Variants in NPAS3 observed in about 807,000 individuals in gnomAD.
NPAS3 encodes the protein neuronal PAS domain protein 3.
In NPAS3, 14 loss-of-function variants were observed where a neutral mutation model predicts 73.1. The ratio of observed to expected loss-of-function variants is 0.19; its 90% CI spans 0.13 to 0.30. NPAS3 has a LOEUF of 0.30. NPAS3 is among the 10% of genes least tolerant of loss of function. The pLI, the probability that NPAS3 is intolerant of heterozygous loss-of-function variation, is 1.00. For missense variants in NPAS3, 1,096 were observed against 1,250.0 expected (o/e 0.88, Z 1.86); for synonymous variants, 620 against 541.5 (o/e 1.14, Z -2.01).
chr14:33,523,378 C>T (rs984945686), intron 4 of NPAS3, among the ~76,000 whole-genome samples: 2 of 151,354 alleles, frequency 1.3e-5, no homozygotes. Flanking sequence ...AAGACACTGG[C>T]CCAGGCAAGG....
At chr14:33,630,929 G>A (rs7153773) in intron 5 of NPAS3, among the ~76,000 whole-genome samples, 32,171 of 152,140 alleles carry the variant, frequency 0.21, 5,384 homozygotes, top group African/African-American at 0.47. Context: ...GTAGAAAGAA[G>A]ATAAGCGAAG....
At chr14:33,650,741 C>CCT (rs10658218) in intron 5 of NPAS3, among the ~76,000 whole-genome samples, 37,925 of 148,298 alleles carry the variant, frequency 0.26, 5,777 homozygotes, top group African/African-American at 0.43. Flanking sequence ...AAAATCTTTT[C>CCT]CTCTCTCTCT....
intron 3 of NPAS3, among the ~76,000 whole-genome samples, chr14:33,272,493 T>G (rs1272166990): frequency 1.3e-5 from 2 of 152,184 alleles, no homozygotes. Context: ...CTCGGCTCAC[T>G]GCAACCTCTG....
chr14:33,168,544 G>A (rs1350616457), intron 2 of NPAS3, among the ~76,000 whole-genome samples: 2 of 152,126 alleles, frequency 1.3e-5, no homozygotes, highest in African/African-American at 4.8e-5. Flanking sequence ...GGAGCCCCAA[G>A]CCCCTAAAGA....
intron 4 of NPAS3, among the ~76,000 whole-genome samples, chr14:33,431,309 A>G (rs2048774288): frequency 1.3e-5 from 2 of 152,224 alleles, no homozygotes; most frequent in South Asian, 4.1e-4. Flanking sequence ...AGTGTCACTG[A>G]ATACCAGGAG....
intron 6 of NPAS3, among the ~76,000 whole-genome samples, chr14:33,682,344 AAGC>A (rs1445443542): frequency 6.6e-6 from 1 of 152,212 alleles, no homozygotes; most frequent in Non-Finnish European, 1.5e-5. Context: ...AGCAGTCAGA[AAGC>A]AGCCTCACTA....
intron 3 of NPAS3, among the ~76,000 whole-genome samples, chr14:33,230,770 G>A (rs149915111): frequency 1.8e-4 from 27 of 152,174 alleles, no homozygotes; most frequent in African/African-American, 5.1e-4. Context: ...TAAAATATAC[G>A]TTCTTTTCAT....
intron 5 of NPAS3, among the ~76,000 whole-genome samples, chr14:33,628,988 T>C (rs1182628415): frequency 6.6e-6 from 1 of 151,948 alleles, no homozygotes; most frequent in African/African-American, 2.4e-5. Flanking sequence ...TCCCAGCACT[T>C]TGGGAGGCTG....
intron 3 of NPAS3, among the ~76,000 whole-genome samples, chr14:33,221,477 G>A (rs573082024): frequency 6.6e-6 from 1 of 152,248 alleles, no homozygotes; most frequent in South Asian, 2.1e-4. Flanking sequence ...AAAAGCAGAA[G>A]TGGGCTCGGC....
chr14:33,344,257 T>TA (rs1566815750), intron 3 of NPAS3, among the ~76,000 whole-genome samples: 1 of 152,182 alleles, frequency 6.6e-6, no homozygotes, highest in Non-Finnish European at 1.5e-5. Context: ...GATGTTGAAT[T>TA]AAAAAATGAC....
chr14:33,800,639 C>T lies in NPAS3; in HGVS notation c.2332C>T (p.Pro778Ser), dbSNP rs763897377. ...GGGCGGCGGCGCGGGGGGCGGCGGCCCCAGCGCGTCCAACTCCTTGCTGTA... is the reference window on the plus strand; with the variant it reads ...GGGCGGCGGCGCGGGGGGCGGCGGCTCCAGCGCGTCCAACTCCTTGCTGTA... Residue 778 changes from proline to serine, a missense_variant, in exon 12 of 12, where the codon CCC becomes TCC. Transcript: ENST00000356141. This position sits in a 1 kb window ranked among gnomAD's most constrained non-coding sequence, Gnocchi z 6.5. 2.1e-6 allele frequency: 3 copies of T among 1,439,408 alleles called. No individual in the cohort carries two copies. Among genetic ancestry groups the T allele is most frequent in the African/African-American group, 3.0e-5 (2 of 66,412 alleles). The allele number at this position is 1,439,408 out of a possible 1,614,324, so 89.2% of individuals were successfully genotyped here.
chr14:33,245,208 A>T (rs2048335585), intron 3 of NPAS3, among the ~76,000 whole-genome samples: 1 of 152,204 alleles, frequency 6.6e-6, no homozygotes, highest in Non-Finnish European at 1.5e-5. Flanking sequence ...CACCTGATTC[A>T]AAACATTCAT....
At chr14:33,378,611 G>A (rs1443883004) in intron 4 of NPAS3, among the ~76,000 whole-genome samples, 7 of 152,142 alleles carry the variant, frequency 4.6e-5, no homozygotes, top group East Asian at 1.9e-4. Flanking sequence ...ACTCCAGTCC[G>A]GGAGACAGAG....
chr14:33,441,067 C>T (rs545042588), intron 4 of NPAS3, among the ~76,000 whole-genome samples: 156 of 152,272 alleles, frequency 1.0e-3, no homozygotes, highest in Non-Finnish European at 1.6e-3. Flanking sequence ...ATTGGACTTG[C>T]ATAAGTCCAC....
chr14:33,438,260 A>C (rs1436938064), intron 4 of NPAS3, among the ~76,000 whole-genome samples: 3 of 152,222 alleles, frequency 2.0e-5, no homozygotes, highest in African/African-American at 4.8e-5. Context: ...AGTGAGACAG[A>C]TCATACTCTT....
intron 4 of NPAS3, among the ~76,000 whole-genome samples, chr14:33,426,431 T>A (rs2048557347): frequency 6.6e-6 from 1 of 152,012 alleles, no homozygotes; most frequent in Admixed American, 6.6e-5. Context: ...GTAGATGAGA[T>A]CATGGACCTC....
intron 4 of NPAS3, among the ~76,000 whole-genome samples, chr14:33,533,365 G>C (rs1417225701): frequency 6.6e-6 from 1 of 152,094 alleles, no homozygotes; most frequent in African/African-American, 2.4e-5. Flanking sequence ...TGTCACCAAA[G>C]AAATAGAAAT....
At chr14:33,717,847 G>A (rs2060999264) in intron 6 of NPAS3, among the ~76,000 whole-genome samples, 1 of 152,114 alleles carries the variant, frequency 6.6e-6, no homozygotes, top group Non-Finnish European at 1.5e-5. Flanking sequence ...AAATGTATAT[G>A]TAAATCACCT....
At chr14:32,959,942 A>G (rs1182135521) in intron 1 of NPAS3, among the ~76,000 whole-genome samples, 1 of 151,698 alleles carries the variant, frequency 6.6e-6, no homozygotes, top group African/African-American at 2.4e-5. Flanking sequence ...CGTAAGAGAC[A>G]CGTGATATCT....
Sources: allele counts gnomAD v4.1 joint callset (sites outside exome capture counted in the v4.1 genomes callset), GRCh38; gene constraint gnomAD v4.1.1; non-coding constraint Gnocchi (gnomAD v3.1); transcripts MANE v1.5; gene names NCBI Gene and HGNC (gene_info 2026-07-23, HGNC 2026-07-21).